MACROD2: variants seen among roughly 807,000 people sequenced by gnomAD.
MACROD2 encodes the protein ADP-ribose glycohydrolase MACROD2.
A neutral mutation model predicts 70.4 loss-of-function variants in MACROD2; 36 were observed. That is an observed-to-expected ratio of 0.51 (90% confidence interval 0.39 to 0.68). The LOEUF is 0.68. MACROD2 is among the 30% of genes least tolerant of loss of function. The pLI is 0.00. For missense variants in MACROD2, 496 were observed against 538.4 expected (o/e 0.92, Z 0.78); for synonymous variants, 172 against 178.8 (o/e 0.96, Z 0.30).
At chr20:14,985,202 A>ACTT (rs531080513) in intron 5 of MACROD2, among the ~76,000 whole-genome samples, 15 of 152,176 alleles carry the variant, frequency 9.9e-5, no homozygotes, top group Non-Finnish European at 1.5e-4. Context: ...AACCTATGAC[A>ACTT]CTTCACTCAA....
chr20:14,340,849 G>C (rs1321871804), intron 3 of MACROD2, among the ~76,000 whole-genome samples: 1 of 152,192 alleles, frequency 6.6e-6, no homozygotes, highest in African/African-American at 2.4e-5. Flanking sequence ...AAAGGACTTT[G>C]TGGTGTTCTT....
At chr20:15,327,262 A>C (rs1600246045) in intron 6 of MACROD2, among the ~76,000 whole-genome samples, 1 of 152,164 alleles carries the variant, frequency 6.6e-6, no homozygotes, top group East Asian at 1.9e-4. Context: ...CTGAGATAAG[A>C]ATATTCCCTT....
At chr20:15,207,016 G>A (rs1365297370) in intron 5 of MACROD2, among the ~76,000 whole-genome samples, 8 of 152,028 alleles carry the variant, frequency 5.3e-5, no homozygotes, top group Non-Finnish European at 8.8e-5. Flanking sequence ...GATTACAGGC[G>A]TGAGCCACCG....
At chr20:14,704,898 A>G (rs796232893) in intron 5 of MACROD2, among the ~76,000 whole-genome samples, 22 of 152,114 alleles carry the variant, frequency 1.4e-4, no homozygotes, top group African/African-American at 5.3e-4. Flanking sequence ...TGAGACAGCT[A>G]GGTGTTAGCT....
chr20:14,237,622 A>G (rs2081889024), intron 3 of MACROD2, among the ~76,000 whole-genome samples: 2 of 151,886 alleles, frequency 1.3e-5, no homozygotes, highest in East Asian at 3.9e-4. Flanking sequence ...TACATGTGCC[A>G]TGCTGGTGTG....
chr20:14,772,799 G>A (rs1241704337), intron 5 of MACROD2, among the ~76,000 whole-genome samples: 1 of 152,042 alleles, frequency 6.6e-6, no homozygotes, highest in East Asian at 1.9e-4. Context: ...TTCCCCCAGT[G>A]ACATAAAAGA....
intron 3 of MACROD2, among the ~76,000 whole-genome samples, chr20:14,102,911 C>T (rs1414578984): frequency 6.6e-6 from 1 of 152,064 alleles, no homozygotes; most frequent in African/African-American, 2.4e-5. Flanking sequence ...ATTAGGATCT[C>T]AGTGTCTTTT....
chr20:15,161,310 G>A (rs547576262), intron 5 of MACROD2, among the ~76,000 whole-genome samples: 2 of 151,276 alleles, frequency 1.3e-5, no homozygotes, highest in Admixed American at 6.6e-5. Context: ...TATTATTATA[G>A]TACGATAATT....
intron 8 of MACROD2, among the ~76,000 whole-genome samples, chr20:15,825,964 C>T (rs551224304): frequency 7.9e-5 from 12 of 152,220 alleles, no homozygotes; most frequent in African/African-American, 2.9e-4. Flanking sequence ...AACTTCACAC[C>T]CTCTGCAGGA....
chr20:15,877,191 G>A (rs1027979407), intron 9 of MACROD2, among the ~76,000 whole-genome samples: 2 of 152,052 alleles, frequency 1.3e-5, no homozygotes, highest in South Asian at 2.1e-4. Context: ...GTACTTGCTT[G>A]CACACGTCCA....
chr20:15,651,790 C>T (rs556684270), intron 8 of MACROD2, among the ~76,000 whole-genome samples: 11 of 152,182 alleles, frequency 7.2e-5, no homozygotes, highest in African/African-American at 2.4e-4. Flanking sequence ...GGTCCCATCT[C>T]GATCTCTATA....
intron 8 of MACROD2, among the ~76,000 whole-genome samples, chr20:15,678,481 T>G (rs1437056612): frequency 2.0e-5 from 3 of 151,922 alleles, no homozygotes; most frequent in African/African-American, 7.2e-5. Context: ...TGCCTCAGCC[T>G]CCCGAGTAGC....
chr20:14,499,157 G>A (rs2057796576), intron 4 of MACROD2, among the ~76,000 whole-genome samples: 1 of 152,200 alleles, frequency 6.6e-6, no homozygotes, highest in African/African-American at 2.4e-5. Flanking sequence ...AAACTCAGGG[G>A]CTCTGGCCTT....
At chr20:14,220,467 T>C (rs1018589848) in intron 3 of MACROD2, among the ~76,000 whole-genome samples, 2 of 152,170 alleles carry the variant, frequency 1.3e-5, no homozygotes, top group Non-Finnish European at 2.9e-5. Flanking sequence ...CTCCTAGCTT[T>C]GAAAGATAAG....
chr20:15,719,747 CA>C (rs1274121903), intron 8 of MACROD2, among the ~76,000 whole-genome samples: 1 of 152,026 alleles, frequency 6.6e-6, no homozygotes, highest in Non-Finnish European at 1.5e-5. Context: ...ATGATCAAAT[CA>C]GGGTAATTAG....
At chr20:14,057,338 C>G (rs993424304) in intron 2 of MACROD2, among the ~76,000 whole-genome samples, 51 of 152,224 alleles carry the variant, frequency 3.4e-4, no homozygotes, top group African/African-American at 1.2e-3. Flanking sequence ...AAAAACAAAA[C>G]AGTAACAGCA....
At chr20:14,009,826 G>A (rs367677274) in intron 2 of MACROD2, among the ~76,000 whole-genome samples, 2 of 152,268 alleles carry the variant, frequency 1.3e-5, no homozygotes, top group Admixed American at 1.3e-4. Flanking sequence ...GCAGGGACCC[G>A]GATGGAGCTG....
intron 8 of MACROD2, among the ~76,000 whole-genome samples, chr20:15,710,194 C>CAAAAAAAAAAAAA: frequency 9.7e-6 from 1 of 102,688 alleles, no homozygotes; most frequent in Non-Finnish European, 1.9e-5. Flanking sequence ...ATCAAAAAGA[C>CAAAAAAAAAAAAA]AAAAAAAAAA....
chr20:15,992,301 T>C (rs960978027), intron 15 of MACROD2, among the ~76,000 whole-genome samples: 1 of 152,190 alleles, frequency 6.6e-6, no homozygotes, highest in Non-Finnish European at 1.5e-5. Flanking sequence ...GAAACTCCAT[T>C]TTTCATGTTA....
Sources: gnomAD v4.1 joint callset for allele counts (sites outside exome capture counted in the v4.1 genomes callset) on GRCh38, gnomAD v4.1.1 for gene constraint, MANE v1.5 for transcripts, NCBI Gene and HGNC (gene_info 2026-07-23, HGNC 2026-07-21) for gene names.